TRRAP: variants seen among roughly 807,000 people sequenced by gnomAD.
The protein encoded by TRRAP is transformation/transcription domain-associated protein.
TRRAP carries 41 observed loss-of-function variants against 438.8 expected under a neutral mutation model. The observed-to-expected ratio is 0.09, with a 90% CI of 0.07 to 0.12. TRRAP has a LOEUF of 0.12. Ranked by LOEUF, TRRAP falls within the 10% of genes least tolerant of loss-of-function variation. The probability of loss-of-function intolerance (pLI) is 1.00; values close to 1 mark genes in which losing one functional copy is unlikely to be tolerated. For synonymous variants in TRRAP, 1,994 were observed against 1,962.9 expected (o/e 1.02, Z -0.42); for missense variants, 3,122 against 5,055.1 (o/e 0.62, Z 11.60).
chr7:98,892,315 C>T, intron 4 of TRRAP, 109 bp from the exon 5 acceptor site: 2 of 889,818 alleles, frequency 2.2e-6, no homozygotes, highest in Non-Finnish European at 3.5e-6. Context: ...GTGGTTCATT[C>T]CTAGTGCTGG....
intron 65 of TRRAP, among the ~76,000 whole-genome samples, chr7:98,992,560 C>CGTGTGTGTGTGTGTGTGTGTGTGT (rs72517544): frequency 4.7e-5 from 7 of 149,126 alleles, no homozygotes; most frequent in African/African-American, 1.7e-4. Flanking sequence ...TGCCAGCTGC[C>CGTGTGTGTGTGTGTGTGTGTGTGT]GTGTGTGTGT....
Position 98,978,884 on chromosome 7 carries a change from A to G in TRRAP, c.8614A>G (p.Met2872Val). 1.9e-6 allele frequency: 3 copies of G among 1,614,138 alleles called. No homozygotes were observed. The highest frequency in any genetic ancestry group is 1.7e-6 in the Non-Finnish European group (2 of 1,180,034). ...CTGGCGGGTGTCCAACTGGACTGCC[A>G]TGAAGGAGGCGCTGGTGCAGGTGAG... is the stretch of plus-strand genomic sequence containing the variant. ...CAWRVSNWTAMKEALVQVEVS... is the reference protein window; with the variant it reads ...CAWRVSNWTAVKEALVQVEVS... The change falls in exon 58 of 73, where the codon ATG (methionine) becomes GTG (valine). Residue 2872 changes from methionine to valine, a missense_variant. Physicochemically the swap from Met to Val is conservative, Grantham distance 21. Around this residue, in one of 24 missense-constraint regions of TRRAP, gnomAD observed 992 missense variants for 1,281.2 expected, o/e 0.77. Coordinates refer to ENST00000456197, the MANE Select transcript of TRRAP (RefSeq NM_001375524.1).
At chr7:98,958,541 C>G (rs1209795562) in intron 44 of TRRAP, among the ~76,000 whole-genome samples, 2 of 152,172 alleles carry the variant, frequency 1.3e-5, no homozygotes, top group Non-Finnish European at 2.9e-5. Context: ...CTCAAGTGAT[C>G]CACCCACCTT....
Position 98,956,057 on chromosome 7 carries a change from G to A in TRRAP, c.5938-89G>A, listed in dbSNP as rs1448947469. On this transcript the variant is annotated intron_variant, in intron 41 of 72. Transcript: ENST00000456197. This position sits in a 1 kb window ranked among gnomAD's most constrained non-coding sequence, Gnocchi z 4.5. Reference sequence around the variant, plus strand: ...GTATGTTGGGGCTGAGAGGCATGTCGGGGGTGTGTGTGTGCACGTGCGCAC... The same window carrying A: ...GTATGTTGGGGCTGAGAGGCATGTCAGGGGTGTGTGTGTGCACGTGCGCAC... 19 of 1,466,538 alleles carry A rather than the reference G, an allele frequency of 1.3e-5. No individual in the cohort carries two copies. Among genetic ancestry groups the A allele is most frequent in the African/African-American group, 4.2e-5 (3 of 71,714 alleles). The allele number at this position is 1,466,538 out of a possible 1,614,324, so 90.8% of individuals were successfully genotyped here.
intron 62 of TRRAP, among the ~76,000 whole-genome samples, chr7:98,986,336 G>A (rs920423898): frequency 6.6e-6 from 1 of 152,088 alleles, no homozygotes; most frequent in Non-Finnish European, 1.5e-5. Flanking sequence ...GTACTTCTCT[G>A]TTTATCTTTT....
chr7:98,961,562 G>A lies in TRRAP; in HGVS notation c.6703+88G>A, dbSNP rs1334004334. 2.7e-6 allele frequency: 4 copies of A among 1,476,070 alleles called. No individual in the cohort carries two copies. In the South Asian group the frequency reaches 3.5e-5, roughly 13 times the overall value. 91.4% of individuals were successfully genotyped at this position (1,476,070 alleles called of 1,614,324 possible). ...TGAGAGCGCTTGTCCTCCAGTTATT[G>A]TGTCGAGCGCTTTGTTATCACTTTC... On this transcript the variant is annotated intron_variant, in intron 46 of 72. Coordinates refer to ENST00000456197, the MANE Select transcript of TRRAP (RefSeq NM_001375524.1).
At chr7:98,923,008 G>A (rs782259339) in intron 21 of TRRAP, among the ~76,000 whole-genome samples, 4 of 151,926 alleles carry the variant, frequency 2.6e-5, no homozygotes, top group African/African-American at 4.8e-5. Context: ...CCTGTCCCCC[G>A]CAACTTCCTC....
At position 98,935,648 on chromosome 7, in the gene TRRAP, C is replaced by T; in HGVS notation, c.4084C>T (p.Leu1362Phe). Residue 1362 changes from leucine to phenylalanine, a missense_variant, in exon 28 of 73, where the codon CTC becomes TTC. This residue lies in a region of TRRAP where 84 missense variants were observed against 119.8 expected (regional missense o/e 0.70). Transcript: ENST00000456197. ...KLPCYKSLPS[L>F]VPLRIAALNA... is the part of the protein sequence containing the mutation. ...GCCCTGTTATAAAAGCCTTCCGTCA[C>T]TCGTACCTTTACGAATTGCGGCATT... The T allele has an allele frequency of 6.2e-7, 1 of 1,600,468 alleles. No homozygotes were observed. The highest frequency in any genetic ancestry group is 8.6e-7 in the Non-Finnish European group (1 of 1,169,038).
chr7:98,961,671 G>A (rs1236611116), intron 46 of TRRAP, among the ~76,000 whole-genome samples, 197 bp downstream of exon 46: 1 of 152,248 alleles, frequency 6.6e-6, no homozygotes, highest in African/African-American at 2.4e-5. Context: ...TGTAATCCCA[G>A]CACTTTGGGA....
At chr7:98,881,857 TGAC>T in intron 2 of TRRAP, 115 bp from the exon 3 acceptor site, 1 of 1,116,390 alleles carries the variant, frequency 9.0e-7, no homozygotes, top group Non-Finnish European at 1.3e-6. Flanking sequence ...TATTAGGCCA[TGAC>T]AGTCAAACTG....
chr7:99,001,703 C>T (rs921160616), intron 67 of TRRAP, among the ~76,000 whole-genome samples: 2 of 152,114 alleles, frequency 1.3e-5, no homozygotes, highest in Non-Finnish European at 2.9e-5. Context: ...GTGTTCCGTT[C>T]GTGGAATGCA....
In TRRAP at chr7:98,903,053, T is replaced by C. The variant is rs563843024; in HGVS notation, c.898-326T>C. Among the ~76,000 whole-genome samples the C allele has an allele frequency of 6.6e-3, 921 of 138,930 alleles. 8 individuals carry two copies. The highest frequency in any genetic ancestry group is 0.024 in the African/African-American group (882 of 37,116). 91.1% of individuals were successfully genotyped at this position (138,930 alleles called of 152,430 possible). ...TAACGGTTTTTTTTTTGGAGACGAG[T>C]CTCACTCTTTCATGCTGGAGTGCAG... On this transcript the variant is annotated intron_variant, in intron 11 of 72. Transcript: ENST00000456197.
intron 29 of TRRAP, 49 bp downstream of exon 29, chr7:98,937,326 G>A: frequency 6.4e-7 from 1 of 1,568,480 alleles, no homozygotes; most frequent in Non-Finnish European, 8.6e-7. Flanking sequence ...GCACACACAT[G>A]TGTGTGTACT....
Position 99,008,374 on chromosome 7 carries a change from C to T in TRRAP, c.10754-3C>T, listed in dbSNP as rs575664213. ...TGCCCCGTTTCTCTTCCTCTCTCCC[C>T]AGTGCCCCGGGTTGTGGCAGTTTCC... On this transcript the variant is annotated splice_polypyrimidine_tract_variant and splice_region_variant and intron_variant, in intron 69 of 72. Transcript: ENST00000456197. 3.7e-6 allele frequency: 6 copies of T among 1,613,680 alleles called. No homozygotes were observed. The highest frequency in any genetic ancestry group is 3.3e-5 in the Admixed American group (2 of 59,980).
intron 53 of TRRAP, among the ~76,000 whole-genome samples, chr7:98,975,138 A>G (rs994020536): frequency 1.3e-5 from 2 of 152,220 alleles, no homozygotes; most frequent in Non-Finnish European, 2.9e-5. Context: ...TGCTTACTTC[A>G]TCACAGTCCT....
chr7:99,012,278 G>A lies in TRRAP; in HGVS notation c.11545G>A (p.Val3849Met). The A allele has an allele frequency of 6.2e-7, 1 of 1,613,754 alleles. No individual in the cohort carries two copies. The highest frequency in any genetic ancestry group is 8.5e-7 in the Non-Finnish European group (1 of 1,179,918). The change falls in exon 73 of 73, where the codon GTG becomes ATG. Residue 3849 changes from valine to methionine, a missense_variant. Transcript: ENST00000456197. This position sits in a 1 kb window ranked among gnomAD's most constrained non-coding sequence, Gnocchi z 5.9. ...CCAGTTCGAAGGCGGGGAAAGCAAG[G>A]TGAACACCCTGGTGGCCGCGGCAAA... is the stretch of plus-strand genomic sequence containing the variant. ...LAQFEGGESK[V>M]NTLVAAANSL...
At chr7:98,892,767 A>C (rs1796032144) in intron 5 of TRRAP, among the ~76,000 whole-genome samples, 2 of 152,146 alleles carry the variant, frequency 1.3e-5, no homozygotes, top group African/African-American at 4.8e-5. Flanking sequence ...GGTACCTTTG[A>C]AACAGTTGCG....
chr7:98,973,383 G>A (rs12112132), intron 53 of TRRAP, among the ~76,000 whole-genome samples: 183 of 152,332 alleles, frequency 1.2e-3, no homozygotes, highest in African/African-American at 4.2e-3. Flanking sequence ...GTCATCAGGT[G>A]CCTGGGCCTC....
At chr7:98,985,569 C>G (rs935596011) in intron 62 of TRRAP, among the ~76,000 whole-genome samples, 3 of 152,218 alleles carry the variant, frequency 2.0e-5, no homozygotes, top group Admixed American at 6.5e-5. Context: ...TAGCCCATCG[C>G]AGGAAAGGTT....
Sources: allele counts gnomAD v4.1 joint callset (sites outside exome capture counted in the v4.1 genomes callset), GRCh38; gene constraint gnomAD v4.1.1; regional missense constraint gnomAD v4.1.1; non-coding constraint Gnocchi (gnomAD v3.1); transcripts MANE v1.5; gene names NCBI Gene and HGNC (gene_info 2026-07-23, HGNC 2026-07-21).